WWP2: variants seen among roughly 807,000 people sequenced by gnomAD.
WWP2 encodes the protein NEDD4-like E3 ubiquitin-protein ligase WWP2.
Under a neutral mutation model 121.0 loss-of-function variants are expected in WWP2, and 57 were observed. That is an observed-to-expected ratio of 0.47 (90% CI 0.38 to 0.59). WWP2 has a LOEUF of 0.59. WWP2 is among the 20% of genes least tolerant of loss of function. The pLI, the probability that WWP2 is intolerant of heterozygous loss-of-function variation, is 0.00. For synonymous variants in WWP2, 449 were observed against 441.3 expected, an observed-to-expected ratio of 1.02 and a Z score of -0.22; for missense variants, 962 against 1,158.9, an observed-to-expected ratio of 0.83 and a Z score of 2.47.
chr16:69,935,747 AG>A lies in WWP2; in HGVS notation c.1843-104del. 1.3e-6 allele frequency: 2 copies of A among 1,491,212 alleles called. No individual in the cohort carries two copies. The allele number at this position is 1,491,212 out of a possible 1,614,324, so 92.4% of individuals were successfully genotyped here. Reference sequence around the variant, plus strand: ...GCTGCTGCTGTAGTTCTGTCAGGGAAGGAAGGCGGGTAGCGGTAGCAGAGTT... The same window carrying A: ...GCTGCTGCTGTAGTTCTGTCAGGGAAGAAGGCGGGTAGCGGTAGCAGAGTT... On this transcript the variant is annotated intron_variant, in intron 17 of 23. Transcript: ENST00000359154. This position sits in a 1 kb window ranked among gnomAD's most constrained non-coding sequence, Gnocchi z 5.2.
chr16:69,867,056 G>A (rs559082287), intron 6 of WWP2, among the ~76,000 whole-genome samples: 14 of 151,284 alleles, frequency 9.3e-5, no homozygotes, highest in South Asian at 8.4e-4. Flanking sequence ...GGCTGGTCTC[G>A]AACTCCTGAC....
chr16:69,803,822 C>T (rs2056221797), intron 4 of WWP2, among the ~76,000 whole-genome samples: 1 of 152,010 alleles, frequency 6.6e-6, no homozygotes, highest in South Asian at 2.1e-4. Context: ...GCCGGGGAGT[C>T]ACTTGAACCT....
chr16:69,790,872 G>A (rs899939887), intron 2 of WWP2, among the ~76,000 whole-genome samples: 7 of 152,030 alleles, frequency 4.6e-5, no homozygotes, highest in African/African-American at 9.7e-5. Flanking sequence ...TACTGCACCC[G>A]GCCAGTGTTT....
At chr16:69,836,819 T>G (rs1178675633) in intron 4 of WWP2, among the ~76,000 whole-genome samples, 1 of 151,770 alleles carries the variant, frequency 6.6e-6, no homozygotes, top group African/African-American at 2.4e-5. Flanking sequence ...TCTCACCATG[T>G]TGCCCAGGAT....
chr16:69,854,343 T>A (rs1156551103), intron 6 of WWP2, among the ~76,000 whole-genome samples: 1 of 152,148 alleles, frequency 6.6e-6, no homozygotes, highest in Non-Finnish European at 1.5e-5. Context: ...ATGGTGTTTG[T>A]GGCTGTGGTT....
intron 8 of WWP2, among the ~76,000 whole-genome samples, chr16:69,898,180 A>G (rs12447388): frequency 2.0e-5 from 3 of 151,720 alleles, no homozygotes; most frequent in African/African-American, 7.2e-5. Context: ...GGCATCTACC[A>G]CCATGCTTGG....
intron 1 of WWP2, among the ~76,000 whole-genome samples, chr16:69,771,952 C>CTTTTTTTTT (rs56376857): frequency 9.0e-5 from 5 of 55,826 alleles, no homozygotes; most frequent in Admixed American, 2.3e-4. Flanking sequence ...TCTTTTTAGT[C>CTTTTTTTTT]TTTTTTTTTT....
In WWP2 at chr16:69,925,631, A is replaced by G. The variant is rs1222981558; in HGVS notation, c.1234+147A>G. 7 of 1,140,532 alleles carry G rather than the reference A, an allele frequency of 6.1e-6. No homozygotes were observed. The highest frequency in any genetic ancestry group is 8.5e-6 in the Non-Finnish European group (7 of 826,364). The allele number at this position is 1,140,532 out of a possible 1,614,324, so 70.7% of individuals were successfully genotyped here. A position where few individuals can be genotyped will look rare whatever the true frequency, so the allele number is the denominator to read the frequency against. On this transcript the variant is annotated intron_variant, in intron 11 of 23. Coordinates refer to ENST00000359154, the MANE Select transcript of WWP2 (RefSeq NM_001270454.2). This position sits in a 1 kb window ranked among gnomAD's most constrained non-coding sequence, Gnocchi z 4.0. The stretch of plus-strand genomic sequence containing the variant: ...GCACACTCTCTGGGCATGCCCCACC[A>G]GAGCAATTACAGGTGATGGAGCTGG...
chr16:69,868,492 C>T (rs1289089164), intron 6 of WWP2, among the ~76,000 whole-genome samples: 9 of 152,100 alleles, frequency 5.9e-5, no homozygotes, highest in Admixed American at 2.6e-4. Flanking sequence ...GTTGACAGTG[C>T]ACGTTTTGCA....
At chr16:69,932,924 G>A (rs1412741757) in intron 16 of WWP2, among the ~76,000 whole-genome samples, 1 of 152,222 alleles carries the variant, frequency 6.6e-6, no homozygotes, top group African/African-American at 2.4e-5. Context: ...GTGTGGGCAT[G>A]TCTTCCCGCT....
chr16:69,828,968 C>A (rs2056750193), intron 4 of WWP2, among the ~76,000 whole-genome samples: 1 of 152,094 alleles, frequency 6.6e-6, no homozygotes, highest in South Asian at 2.1e-4. Flanking sequence ...GTTTCCCTGT[C>A]AGAAGCACCT....
intron 9 of WWP2, chr16:69,909,316 AAGGGG>A: frequency 2.0e-6 from 2 of 988,214 alleles, no homozygotes; most frequent in Non-Finnish European, 2.4e-6. Flanking sequence ...GAGCTTTCAA[AAGGGG>A]ATGTATTCTG....
At chr16:69,913,168 G>A (rs2058426636) in intron 9 of WWP2, among the ~76,000 whole-genome samples, 1 of 144,990 alleles carries the variant, frequency 6.9e-6, no homozygotes, top group African/African-American at 2.6e-5. Context: ...GGGGTTACAG[G>A]CACATGCCAC....
intron 2 of WWP2, among the ~76,000 whole-genome samples, chr16:69,797,579 T>C (rs1032954772): frequency 6.6e-5 from 10 of 152,160 alleles, no homozygotes; most frequent in Non-Finnish European, 1.5e-4. Context: ...ATATTATCTT[T>C]ATTTATTTCA....
intron 2 of WWP2, among the ~76,000 whole-genome samples, chr16:69,794,340 G>T (rs2151805363): frequency 6.6e-6 from 1 of 152,250 alleles, no homozygotes; most frequent in Non-Finnish European, 1.5e-5. Flanking sequence ...AGACCAGCCT[G>T]GGCAACATGG....
intron 4 of WWP2, among the ~76,000 whole-genome samples, chr16:69,814,245 C>T (rs374190973): frequency 1.3e-5 from 2 of 152,090 alleles, no homozygotes; most frequent in Non-Finnish European, 2.9e-5. Flanking sequence ...ACTGTAGCCT[C>T]GAACTCCTGG....
At chr16:69,796,449 C>T (rs1033595425) in intron 2 of WWP2, among the ~76,000 whole-genome samples, 16 of 152,246 alleles carry the variant, frequency 1.1e-4, no homozygotes, top group African/African-American at 3.4e-4. Context: ...AAGGGGTACA[C>T]GGCAGAGTAT....
Position 69,871,836 on chromosome 16 carries a change from C to T in WWP2, c.608C>T (p.Thr203Ile). The T allele has an allele frequency of 6.2e-7, 1 of 1,614,134 alleles. No homozygotes were observed. The highest frequency in any genetic ancestry group is 8.5e-7 in the Non-Finnish European group (1 of 1,180,036). The change falls in exon 7 of 24, where the codon ACA (threonine) becomes ATA (isoleucine). Residue 203 changes from threonine (T) to isoleucine (I), a missense_variant. Around this residue, in one of 3 missense-constraint regions of WWP2, gnomAD observed 211 missense variants for 196.5 expected, o/e 1.07. Coordinates refer to ENST00000359154, the MANE Select transcript of WWP2 (RefSeq NM_001270454.2). ...AGACATTCGGGTGCTTCAGCCAGAACAACCCCAGCAACCGGCGAGCAAAGC... is the reference window on the plus strand; with the variant it reads ...AGACATTCGGGTGCTTCAGCCAGAATAACCCCAGCAACCGGCGAGCAAAGC... ...THRHSGASARTTPATGEQSPG... is the reference protein window; with the variant it reads ...THRHSGASARITPATGEQSPG...
At chr16:69,807,415 T>A (rs1241708211) in intron 4 of WWP2, among the ~76,000 whole-genome samples, 1 of 151,834 alleles carries the variant, frequency 6.6e-6, no homozygotes. Flanking sequence ...GGATATTGAA[T>A]TTTTTTTCTT....
Sources: allele counts gnomAD v4.1 joint callset (sites outside exome capture counted in the v4.1 genomes callset), GRCh38; gene constraint gnomAD v4.1.1; regional missense constraint gnomAD v4.1.1; non-coding constraint Gnocchi (gnomAD v3.1); transcripts MANE v1.5; gene names NCBI Gene and HGNC (gene_info 2026-07-23, HGNC 2026-07-21).